The following CIDEC variants were observed in gnomAD, a reference collection of about 807,000 sequenced individuals.
The protein encoded by CIDEC is lipid transferase CIDEC.
In CIDEC, 11 loss-of-function variants were observed where a neutral mutation model predicts 21.9. That is an observed-to-expected ratio of 0.50 (90% confidence interval 0.32 to 0.83). The LOEUF (loss-of-function observed/expected upper bound fraction) is 0.83. Ranked by LOEUF, CIDEC falls within the 40% of genes least tolerant of loss-of-function variation. The probability of loss-of-function intolerance (pLI) is 0.04; values close to 1 mark genes in which losing one functional copy is unlikely to be tolerated. For synonymous variants in CIDEC, 127 were observed against 124.9 expected (o/e 1.02, Z -0.11); for missense variants, 302 against 302.3 (o/e 1.00, Z 0.01).
chr3:9,878,729 C>T (rs1575459569), intron 2 of CIDEC: 1 of 1,535,098 alleles, frequency 6.5e-7, no homozygotes, highest in East Asian at 2.4e-5. Context: ...ACCGGGTGCT[C>T]AGGCTCAGCC....
intron 6 of CIDEC, among the ~76,000 whole-genome samples, chr3:9,868,975 G>T (rs2082308987): frequency 2.0e-5 from 3 of 151,120 alleles, no homozygotes; most frequent in South Asian, 4.2e-4. Flanking sequence ...CCAGCATTTT[G>T]TGTGTGTGTG....
intron 4 of CIDEC, among the ~76,000 whole-genome samples, chr3:9,872,785 C>T (rs531986415): frequency 3.3e-5 from 5 of 152,080 alleles, no homozygotes; most frequent in Admixed American, 1.3e-4. Flanking sequence ...GTCAAGAGTT[C>T]GAGACCAGCC....
Position 9,869,889 on chromosome 3 carries a change from T to G in CIDEC, c.547A>C (p.Ile183Leu). Residue 183 changes from isoleucine to leucine, a missense_variant, in exon 6 of 7, where the codon ATC becomes CTC. Coordinates refer to ENST00000336832, the MANE Select transcript of CIDEC (RefSeq NM_001321142.2). The part of the protein sequence containing the change: ...YDLHCCGAKR[I>L]MKEAFRWALF... ...AAATCCCAATTTGCTCACTTCATGA[T>G]GCGCTTGGCCCCACAGCAGTGCAGA... is the stretch of plus-strand genomic sequence containing the variant. The G allele has an allele frequency of 6.2e-7, 1 of 1,612,776 alleles. No homozygotes were observed. The highest frequency in any genetic ancestry group is 8.5e-7 in the Non-Finnish European group (1 of 1,179,904).
rs1482503655 is a variant in CIDEC at position 9,877,059 on chromosome 3, C to T, written c.207+7G>A. The T allele has an allele frequency of 1.3e-6, 2 of 1,550,816 alleles. No individual in the cohort carries two copies. Among genetic ancestry groups the T allele is most frequent in the Admixed American group, 3.9e-5 (2 of 51,026 alleles). ...AGCTGGGCTGTGCAACGCGCAGGTG[C>T]TCTCACCTTGAGGAGGAGGTCCTCA... On this transcript the variant is annotated splice_region_variant and intron_variant, in intron 4 of 6. Coordinates refer to ENST00000336832, the MANE Select transcript of CIDEC (RefSeq NM_001321142.2).
rs186369585 is a variant in CIDEC at position 9,880,069 on chromosome 3, C to A, written c.-139+155G>T. Among the ~76,000 whole-genome samples the A allele has an allele frequency of 3.8e-3, 563 of 147,188 alleles. 1 individual carries two copies. Among genetic ancestry groups the A allele is most frequent in the Non-Finnish European group, 6.8e-3 (451 of 66,232 alleles). ...ACTTAGCACTGCAGAAGCTCTAGTC[C>A]TAGCTACGTGGGAGGCTGAGGCAGG... is the stretch of plus-strand genomic sequence containing the variant. On this transcript the variant is annotated intron_variant, in intron 1 of 6. Coordinates refer to ENST00000336832, the MANE Select transcript of CIDEC (RefSeq NM_001321142.2).
At chr3:9,876,757 C>CAA (rs6147705) in intron 4 of CIDEC, among the ~76,000 whole-genome samples, 4,867 of 67,164 alleles carry the variant, frequency 0.072, 719 homozygotes, top group Non-Finnish European at 0.089. Flanking sequence ...GACTTCGTCT[C>CAA]AAAAAAAAAA....
intron 1 of CIDEC, among the ~76,000 whole-genome samples, chr3:9,879,899 C>T (rs780872312): frequency 6.6e-6 from 1 of 152,144 alleles, no homozygotes; most frequent in African/African-American, 2.4e-5. Flanking sequence ...GCTCCCGGCA[C>T]AGGTAGGGCT....
At chr3:9,877,016 T>A in intron 4 of CIDEC, 50 bp downstream of exon 4, 1 of 1,497,114 alleles carries the variant, frequency 6.7e-7, no homozygotes, top group South Asian at 1.2e-5. Flanking sequence ...CCTCCATCTC[T>A]GCTGAATCCC....
rs2082478150 is a variant in CIDEC at position 9,879,665 on chromosome 3, C to T, written c.-139+559G>A. On this transcript the variant is annotated intron_variant, in intron 1 of 6. Transcript: ENST00000336832. ...GCCCAACCCTTTGCACAGATAGTTC[C>T]CTCCACCTGTAGTGCCCTTCTCTGA... 1.3e-5 allele frequency among the ~76,000 whole-genome samples: 2 copies of T among 152,166 alleles called. 1 individual carries two copies. Among genetic ancestry groups the T allele is most frequent in the South Asian group, 4.1e-4 (2 of 4,826 alleles).
chr3:9,877,315 C>T, intron 3 of CIDEC, 96 bp from the exon 4 acceptor site: 1 of 1,186,986 alleles, frequency 8.4e-7, no homozygotes, highest in South Asian at 1.3e-5. Flanking sequence ...TGACTGGGCT[C>T]ATGATCAGTC....
chr3:9,867,225 A>T lies in CIDEC; in HGVS notation c.626T>A (p.Leu209Gln). ...CTCCGTAGCATCGAGGAGCTGCTGC[A>T]GGTAACAGGAGGTGCCAAGCAGTAC... Reference protein sequence around the residue: ...GHVLLGTSCYLQQLLDATEEG... With the variant: ...GHVLLGTSCYQQQLLDATEEG... The change falls in exon 7 of 7, where the codon CTG (leucine) becomes CAG (glutamine). Residue 209 changes from leucine to glutamine, a missense_variant. Transcript: ENST00000336832. 1.2e-6 allele frequency: 2 copies of T among 1,614,138 alleles called. No homozygotes were observed. Among genetic ancestry groups the T allele is most frequent in the East Asian group, 2.2e-5 (1 of 44,894 alleles).
At chr3:9,876,036 T>G (rs149472522) in intron 4 of CIDEC, among the ~76,000 whole-genome samples, 2 of 152,114 alleles carry the variant, frequency 1.3e-5, no homozygotes, top group African/African-American at 2.4e-5. Flanking sequence ...TACACAGAAA[T>G]AGGGGAGGAA....
rs767498216 is a variant in CIDEC, at chr3:9,877,096, C to G, written c.177G>C (p.Met59Ile). 4 of 1,553,598 alleles carry G rather than the reference C, an allele frequency of 2.6e-6. No individual in the cohort carries two copies. The South Asian group carries it at 4.8e-5, about 18-fold the overall frequency. ...TADRSVRKGI[M>I]AYSLEDLLLK... ...GGAGGAGGTCCTCAAGACTGTAAGCCATGATGCCCTTCCTCACGCTTCGAT... is the reference window on the plus strand; with the variant it reads ...GGAGGAGGTCCTCAAGACTGTAAGCGATGATGCCCTTCCTCACGCTTCGAT... The change falls in exon 4 of 7, where the codon ATG becomes ATC. Residue 59 changes from methionine to isoleucine, a missense_variant. Physicochemically the swap from Met to Ile is conservative, Grantham distance 10. Transcript: ENST00000336832.
At position 9,870,116 on chromosome 3, in the gene CIDEC, C is replaced by T. The variant is rs772342507; in HGVS notation, c.367-47G>A. ...GTTAGCACCCCTTGAAGACATCTCC[C>T]AGAGTCCCGATTTTCTCCCCCATCA... is the stretch of plus-strand genomic sequence containing the variant. On this transcript the variant is annotated intron_variant, in intron 5 of 6. Transcript: ENST00000336832. 5 of 1,614,140 alleles carry T rather than the reference C, an allele frequency of 3.1e-6. No homozygotes were observed. In the South Asian group the frequency reaches 5.5e-5, roughly 18 times the overall value.
intron 4 of CIDEC, among the ~76,000 whole-genome samples, chr3:9,876,176 T>A (rs973702879): frequency 6.6e-6 from 1 of 152,208 alleles, no homozygotes; most frequent in African/African-American, 2.4e-5. Context: ...CCCACCCCTA[T>A]AGAGATGATC....
chr3:9,868,324 G>T (rs1318344509), intron 6 of CIDEC, among the ~76,000 whole-genome samples: 3 of 152,232 alleles, frequency 2.0e-5, no homozygotes, highest in Admixed American at 6.5e-5. Context: ...TCTGAGGCCT[G>T]TCCAAGCCAC....
At chr3:9,875,769 A>G (rs999689199) in intron 4 of CIDEC, among the ~76,000 whole-genome samples, 3 of 152,214 alleles carry the variant, frequency 2.0e-5, no homozygotes, top group Non-Finnish European at 4.4e-5. Flanking sequence ...TTACTCTCAA[A>G]TGATTCAGGC....
At chr3:9,868,356 G>C (rs1187707652) in intron 6 of CIDEC, among the ~76,000 whole-genome samples, 3 of 152,216 alleles carry the variant, frequency 2.0e-5, no homozygotes, top group Non-Finnish European at 4.4e-5. Context: ...CTCATGTTCA[G>C]AGTGCTGGAC....
At chr3:9,878,250 A>C in intron 3 of CIDEC, 184 bp downstream of exon 3, 1 of 649,212 alleles carries the variant, frequency 1.5e-6, no homozygotes, top group Non-Finnish European at 2.8e-6. Context: ...TGTAAGCAGC[A>C]GCATTAATAT....
Sources: allele counts gnomAD v4.1 joint callset (sites outside exome capture counted in the v4.1 genomes callset), GRCh38; gene constraint gnomAD v4.1.1; transcripts MANE v1.5; gene names NCBI Gene and HGNC (gene_info 2026-07-23, HGNC 2026-07-21).